The following PTPRM variants were observed in gnomAD, a reference collection of about 807,000 sequenced individuals.
PTPRM encodes the protein receptor-type tyrosine-protein phosphatase mu.
Under a neutral mutation model 186.7 loss-of-function variants are expected in PTPRM, and 47 were observed. The ratio of observed to expected loss-of-function variants is 0.25; its 90% CI spans 0.20 to 0.32. PTPRM has a LOEUF of 0.32. Among genes scored for constraint, PTPRM ranks in the 10% least tolerant of loss-of-function variants. The pLI is 1.00. For synonymous variants in PTPRM, 668 were observed against 674.9 expected (o/e 0.99, Z 0.16); for missense variants, 1,494 against 1,865.0 (o/e 0.80, Z 3.66).
At chr18:7,590,057 T>C (rs1452660506) in intron 1 of PTPRM, among the ~76,000 whole-genome samples, 1 of 152,134 alleles carries the variant, frequency 6.6e-6, no homozygotes, top group Non-Finnish European at 1.5e-5. Context: ...CTGGAAACAA[T>C]GGTTAAATTG....
intron 7 of PTPRM, among the ~76,000 whole-genome samples, chr18:8,042,173 T>A (rs1389466590): frequency 6.6e-6 from 1 of 151,730 alleles, no homozygotes; most frequent in Non-Finnish European, 1.5e-5. Context: ...ATATACTGAG[T>A]GATTTTTTTC....
chr18:8,213,782 A>G (rs955624927), intron 14 of PTPRM, among the ~76,000 whole-genome samples: 25 of 152,312 alleles, frequency 1.6e-4, no homozygotes, highest in African/African-American at 5.5e-4. Context: ...ATAAATCATT[A>G]TATCAAAAAG....
chr18:8,026,720 T>C (rs2148015700), intron 7 of PTPRM, among the ~76,000 whole-genome samples: 1 of 151,978 alleles, frequency 6.6e-6, no homozygotes, highest in African/African-American at 2.4e-5. Flanking sequence ...TAGCCAGGTG[T>C]GGTGGTGGAC....
rs76295800 is a variant in PTPRM at position 8,333,239 on chromosome 18, T to C, written c.2957-10184T>C. 0.013 allele frequency among the ~76,000 whole-genome samples: 1,941 copies of C among 152,308 alleles called. 76 individuals are homozygous for C. The East Asian group carries it at 0.15, about 12-fold the overall frequency. On this transcript the variant is annotated intron_variant, in intron 22 of 32. Transcript: ENST00000580170. ...TTTTCTGCAGCTGAAACAAAAAATATTTCATGAAAGTTGCATGATTTTAAC... is the reference window on the plus strand; with the variant it reads ...TTTTCTGCAGCTGAAACAAAAAATACTTCATGAAAGTTGCATGATTTTAAC...
chr18:7,990,057 C>T (rs1177037698), intron 7 of PTPRM, among the ~76,000 whole-genome samples: 2 of 152,172 alleles, frequency 1.3e-5, no homozygotes, highest in African/African-American at 2.4e-5. Context: ...GCATGCACCA[C>T]CACGCCTGGC....
At chr18:7,601,532 C>G (rs1215396824) in intron 1 of PTPRM, among the ~76,000 whole-genome samples, 1 of 152,198 alleles carries the variant, frequency 6.6e-6, no homozygotes, top group Admixed American at 6.5e-5. Flanking sequence ...GTGGCTGTTG[C>G]GAGCCTTGGC....
chr18:8,208,272 A>C (rs2093956478), intron 14 of PTPRM, among the ~76,000 whole-genome samples: 2 of 152,234 alleles, frequency 1.3e-5, no homozygotes, highest in Non-Finnish European at 2.9e-5. Flanking sequence ...GTACATGCTG[A>C]ATATGTGTCT....
At chr18:8,109,851 T>C (rs1158091179) in intron 11 of PTPRM, among the ~76,000 whole-genome samples, 1 of 152,106 alleles carries the variant, frequency 6.6e-6, no homozygotes, top group Non-Finnish European at 1.5e-5. Flanking sequence ...GGGGGGCACA[T>C]AGAGACACAG....
intron 1 of PTPRM, among the ~76,000 whole-genome samples, chr18:7,589,192 C>T (rs2037059641): frequency 6.6e-6 from 1 of 152,174 alleles, no homozygotes; most frequent in South Asian, 2.1e-4. Flanking sequence ...CAGTGAAAGA[C>T]AAGAAGCCCT....
At chr18:8,187,581 A>G (rs1457746375) in intron 14 of PTPRM, among the ~76,000 whole-genome samples, 1 of 152,232 alleles carries the variant, frequency 6.6e-6, no homozygotes, top group Non-Finnish European at 1.5e-5. Flanking sequence ...CTCTCTGGTA[A>G]CAGTGTGGAC....
At chr18:8,042,418 C>T (rs2086751998) in intron 7 of PTPRM, among the ~76,000 whole-genome samples, 1 of 152,096 alleles carries the variant, frequency 6.6e-6, no homozygotes, top group African/African-American at 2.4e-5. Flanking sequence ...AATTATAACT[C>T]TTAATATCTT....
At chr18:8,203,336 T>C (rs1361911447) in intron 14 of PTPRM, among the ~76,000 whole-genome samples, 1 of 152,016 alleles carries the variant, frequency 6.6e-6, no homozygotes, top group Non-Finnish European at 1.5e-5. Context: ...GTATGTGTTG[T>C]ATTAAAAGAA....
chr18:7,624,013 A>G (rs923558523), intron 1 of PTPRM, among the ~76,000 whole-genome samples: 1 of 152,132 alleles, frequency 6.6e-6, no homozygotes, highest in Non-Finnish European at 1.5e-5. Context: ...ATTATGATGA[A>G]ACATACTGGC....
chr18:8,337,213 C>A lies in PTPRM; in HGVS notation c.2957-6210C>A, dbSNP rs149422526. Among the ~76,000 whole-genome samples the A allele has an allele frequency of 8.9e-3, 1,352 of 151,858 alleles. 6 individuals are homozygous for A. Among genetic ancestry groups the A allele is most frequent in the African/African-American group, 0.014 (593 of 41,446 alleles). On this transcript the variant is annotated intron_variant, in intron 22 of 32. Coordinates refer to ENST00000580170, the MANE Select transcript of PTPRM (RefSeq NM_001105244.2). ...TAGCTCAGTTTGAGGAGGTTTTTTT[C>A]AATTTTTTGAGACAGGTATGTTGCA...
intron 13 of PTPRM, among the ~76,000 whole-genome samples, chr18:8,121,305 G>A (rs948380133): frequency 2.6e-5 from 4 of 152,048 alleles, no homozygotes; most frequent in Admixed American, 2.0e-4. Flanking sequence ...TTCCTTACTC[G>A]CTGCCACATT....
At chr18:7,911,382 C>A (rs2050254925) in intron 4 of PTPRM, among the ~76,000 whole-genome samples, 1 of 152,174 alleles carries the variant, frequency 6.6e-6, no homozygotes, top group African/African-American at 2.4e-5. Context: ...ATTTCAATTT[C>A]TTCATATTCT....
intron 13 of PTPRM, among the ~76,000 whole-genome samples, chr18:8,118,551 G>A (rs1375663675): frequency 6.6e-6 from 1 of 152,118 alleles, no homozygotes; most frequent in African/African-American, 2.4e-5. Context: ...TGTAATCCCA[G>A]CACTTTGGGA....
At chr18:7,725,612 A>G (rs780554504) in intron 1 of PTPRM, among the ~76,000 whole-genome samples, 1 of 152,178 alleles carries the variant, frequency 6.6e-6, no homozygotes, top group South Asian at 2.1e-4. Flanking sequence ...AAGCAGCTGG[A>G]CATCGGAGAC....
At chr18:7,845,071 CT>C (rs889249107) in intron 2 of PTPRM, among the ~76,000 whole-genome samples, 7 of 152,096 alleles carry the variant, frequency 4.6e-5, no homozygotes, top group African/African-American at 1.7e-4. Context: ...GATTCTTAGC[CT>C]TTTATCTGAA....
Sources: gnomAD v4.1 joint callset for allele counts (sites outside exome capture counted in the v4.1 genomes callset) on GRCh38, gnomAD v4.1.1 for gene constraint, MANE v1.5 for transcripts, NCBI Gene and HGNC (gene_info 2026-07-23, HGNC 2026-07-21) for gene names.